Variants in MYO5C observed in about 807,000 individuals in gnomAD.
The protein encoded by MYO5C is myosin VC.
MYO5C carries 194 observed loss-of-function variants against 235.7 expected under a neutral mutation model. That is an observed-to-expected ratio of 0.82 (90% confidence interval 0.73 to 0.93). The LOEUF is 0.93. MYO5C is among the 40% of genes least tolerant of loss of function. The pLI is 0.00. For missense variants in MYO5C, 2,038 were observed against 2,127.2 expected (o/e 0.96, Z 0.82); for synonymous variants, 707 against 754.8 (o/e 0.94, Z 1.04).
rs778105530 is a variant in MYO5C at position 52,235,725 on chromosome 15, T to G, written c.2907A>C (p.Glu969Asp). 6.2e-7 allele frequency: 1 copy of G among 1,612,588 alleles called. No homozygotes were observed. Among genetic ancestry groups the G allele is most frequent in the Non-Finnish European group, 8.5e-7 (1 of 1,179,204 alleles). Reference sequence around the variant, plus strand: ...TCAGCTGTATTTGTTCTTTCTGTGTTTCCAGTTCTGAATTATGCTTCTGAA... The same window carrying G: ...TCAGCTGTATTTGTTCTTTCTGTGTGTCCAGTTCTGAATTATGCTTCTGAA... The part of the protein sequence containing the change: ...AKLQKHNSEL[E>D]TQKEQIQLKL... Residue 969 changes from glutamate to aspartate, a missense_variant, in exon 23 of 41, where the codon GAA becomes GAC. Glu to Asp is a conservative substitution (Grantham distance 45). Coordinates refer to ENST00000261839, the MANE Select transcript of MYO5C (RefSeq NM_018728.4).
At position 52,247,461 on chromosome 15, in the gene MYO5C, G is replaced by T; in HGVS notation, c.1878C>A (p.Ser626Arg). The T allele has an allele frequency of 1.9e-6, 3 of 1,614,114 alleles. No individual in the cohort carries two copies. The highest frequency in any genetic ancestry group is 2.5e-6 in the Non-Finnish European group (3 of 1,179,994). ...NSKHFRTTVGSKFRSSLYLLM... is the reference protein window; with the variant it reads ...NSKHFRTTVGRKFRSSLYLLM... Reference sequence around the variant, plus strand: ...CTCTCAAACACCTTCTCAGTACCTTGCTCCCAACTGTGGTCCGGAAATGCT... The same window carrying T: ...CTCTCAAACACCTTCTCAGTACCTTTCTCCCAACTGTGGTCCGGAAATGCT... Residue 626 changes from serine to arginine, a missense_variant, in exon 15 of 41, where the codon AGC becomes AGA. By Grantham distance (110) the Ser-to-Arg change is moderately radical. Transcript: ENST00000261839.
At chr15:52,260,282 C>G (rs573440984) in intron 10 of MYO5C, among the ~76,000 whole-genome samples, 1 of 152,184 alleles carries the variant, frequency 6.6e-6, no homozygotes, top group East Asian at 1.9e-4. Flanking sequence ...CCTTCTCACC[C>G]AAGAACGGAA....
At chr15:52,256,599 G>T in intron 11 of MYO5C, 40 bp downstream of exon 11, 1 of 1,478,534 alleles carries the variant, frequency 6.8e-7, no homozygotes, top group Non-Finnish European at 9.2e-7. Context: ...GCGCGCGCGC[G>T]CGGCTGAGAA....
intron 8 of MYO5C, among the ~76,000 whole-genome samples, chr15:52,267,298 C>G (rs370024879): frequency 6.6e-6 from 1 of 152,206 alleles, no homozygotes; most frequent in East Asian, 1.9e-4. Flanking sequence ...TACTATGCAC[C>G]TGCTATGTGC....
intron 35 of MYO5C, among the ~76,000 whole-genome samples, chr15:52,209,759 C>T (rs1596141867): frequency 6.6e-6 from 1 of 152,080 alleles, no homozygotes; most frequent in African/African-American, 2.4e-5. Context: ...TTTATGGGAG[C>T]CCCTTCCAAA....
At chr15:52,218,752 A>G in intron 31 of MYO5C, 65 bp from the exon 32 acceptor site, 1 of 1,527,408 alleles carries the variant, frequency 6.5e-7, no homozygotes, top group Non-Finnish European at 9.0e-7. Context: ...ACTCACTGTC[A>G]TAGCAAGTGC....
chr15:52,202,117 C>A (rs974315614), intron 38 of MYO5C, among the ~76,000 whole-genome samples: 1 of 152,072 alleles, frequency 6.6e-6, no homozygotes, highest in Admixed American at 6.5e-5. Flanking sequence ...TAGATTCCAG[C>A]CTGAGCAACA....
At position 52,242,129 on chromosome 15, in the gene MYO5C, G is replaced by T. The variant is rs1169289866; in HGVS notation, c.2475C>A (p.Ser825Arg). The T allele has an allele frequency of 6.2e-7, 1 of 1,614,162 alleles. No individual in the cohort carries two copies. The highest frequency in any genetic ancestry group is 8.5e-7 in the Non-Finnish European group (1 of 1,180,002). Residue 825 changes from serine (S) to arginine (R), a missense_variant, in exon 20 of 41, where the codon AGC (serine) becomes AGA (arginine). Ser to Arg is a moderately radical substitution (Grantham distance 110, BLOSUM62 -1). Transcript: ENST00000261839. ...TGGCCATGCGAATCAACTGATACAG[G>T]CTGCGAACAAGATACCCGCGGCAGT... The part of the protein sequence containing the change: ...QKHCRGYLVR[S>R]LYQLIRMATI...
intron 20 of MYO5C, 121 bp from the exon 21 acceptor site, chr15:52,240,000 C>T (rs2036176920): frequency 2.9e-6 from 3 of 1,022,288 alleles, no homozygotes; most frequent in Non-Finnish European, 4.2e-6. Context: ...TGTCAACCTG[C>T]ACAGCCGTAT....
At chr15:52,209,965 T>G (rs1242415821) in intron 35 of MYO5C, among the ~76,000 whole-genome samples, 1 of 152,122 alleles carries the variant, frequency 6.6e-6, no homozygotes, top group Admixed American at 6.5e-5. Flanking sequence ...AATTAATTAA[T>G]TAATTTATTT....
Position 52,204,908 on chromosome 15 carries a change from G to A in MYO5C, c.4777C>T (p.Leu1593=), listed in dbSNP as rs765498248. 6.2e-7 allele frequency: 1 copy of A among 1,614,232 alleles called. No homozygotes were observed. Among genetic ancestry groups the A allele is most frequent in the East Asian group, 2.2e-5 (1 of 44,878 alleles). The part of the protein sequence containing the change: ...IGAVTLNSLF[L]RKDMCSCRKG... The stretch of plus-strand genomic sequence containing the variant: ...CTGCAGGAGCACATGTCCTTGCGCA[G>A]GAAGAGGCTGTTCAGCGTGACCGCC... Residue 1593 remains leucine, a synonymous_variant, in exon 38 of 41, where the codon CTG becomes TTG. Coordinates refer to ENST00000261839, the MANE Select transcript of MYO5C (RefSeq NM_018728.4).
chr15:52,232,588 A>G, intron 24 of MYO5C, 34 bp downstream of exon 24: 1 of 1,598,146 alleles, frequency 6.3e-7, no homozygotes, highest in Non-Finnish European at 8.6e-7. Flanking sequence ...GACAGAAGAA[A>G]GAAAGTAGCT....
chr15:52,278,824 C>T (rs751068005), intron 4 of MYO5C, 49 bp downstream of exon 4: 2 of 1,603,136 alleles, frequency 1.2e-6, no homozygotes, highest in South Asian at 2.2e-5. Flanking sequence ...CTGGCAAATG[C>T]AGGGAGCATT....
intron 1 of MYO5C, among the ~76,000 whole-genome samples, chr15:52,286,383 G>A (rs1330770952): frequency 5.3e-5 from 8 of 151,818 alleles, no homozygotes; most frequent in Non-Finnish European, 1.0e-4. Context: ...CTGCCCGGCC[G>A]CCCCTACTGG....
Position 52,271,804 on chromosome 15 carries a change from C to T in MYO5C, c.791G>A (p.Cys264Tyr), listed in dbSNP as rs748288247. 1 of 1,584,746 alleles carries T rather than the reference C, an allele frequency of 6.3e-7. No individual in the cohort carries two copies. Among genetic ancestry groups the T allele is most frequent in the Non-Finnish European group, 8.6e-7 (1 of 1,158,892 alleles). The change falls in exon 7 of 41, where the codon TGT becomes TAT. Residue 264 changes from cysteine (C) to tyrosine (Y), a missense_variant. Coordinates refer to ENST00000261839, the MANE Select transcript of MYO5C (RefSeq NM_018728.4). ...AAATTCCGACTGCTGTGCAGATGCA[C>T]AAAGCTGATAGAAAATGTGGTAATT... The part of the protein sequence containing the change: ...ERNYHIFYQL[C>Y]ASAQQSEFKH...
intron 8 of MYO5C, among the ~76,000 whole-genome samples, chr15:52,266,483 C>T (rs2036814152): frequency 6.6e-6 from 1 of 152,216 alleles, no homozygotes; most frequent in Admixed American, 6.5e-5. Context: ...TCACTGCTAA[C>T]TGAGGGATCT....
chr15:52,244,214 C>T, intron 19 of MYO5C, 142 bp downstream of exon 19: 1 of 729,190 alleles, frequency 1.4e-6, no homozygotes, highest in South Asian at 1.9e-5. Context: ...CCCTAATGCT[C>T]ACGACCACAA....
chr15:52,265,985 A>G (rs1415854672), intron 8 of MYO5C, among the ~76,000 whole-genome samples: 2 of 152,228 alleles, frequency 1.3e-5, no homozygotes, highest in African/African-American at 4.8e-5. Flanking sequence ...TGTGTCCAAC[A>G]GAAATATACC....
chr15:52,256,685 A>C lies in MYO5C; in HGVS notation c.1349T>G (p.Phe450Cys), dbSNP rs1432581490. Residue 450 changes from phenylalanine (F) to cysteine (C), a missense_variant, in exon 11 of 41, where the codon TTT (phenylalanine) becomes TGT (cysteine). By Grantham distance (205) the Phe-to-Cys change is radical. Transcript: ENST00000261839. ...TTTTTCATTAGCGTAATTGATGCAA[A>C]ATTGTTCAAAGCTGTTCACATCAAA... Reference protein sequence around the residue: ...ETFDVNSFEQFCINYANEKLQ... With the variant: ...ETFDVNSFEQCCINYANEKLQ... 2.5e-6 allele frequency: 4 copies of C among 1,612,906 alleles called. No individual in the cohort carries two copies. The Admixed American group carries it at 6.7e-5, about 27-fold the overall frequency.
Sources: gnomAD v4.1 joint callset for allele counts (sites outside exome capture counted in the v4.1 genomes callset) on GRCh38, gnomAD v4.1.1 for gene constraint, MANE v1.5 for transcripts, NCBI Gene and HGNC (gene_info 2026-07-23, HGNC 2026-07-21) for gene names.